DENND5B: variants seen among roughly 807,000 people sequenced by gnomAD.
DENND5B encodes DENN domain containing 5B.
A neutral mutation model predicts 140.6 loss-of-function variants in DENND5B; 34 were observed. That is an observed-to-expected ratio of 0.24 (90% CI 0.18 to 0.32). DENND5B has a LOEUF of 0.32. DENND5B is among the 10% of genes least tolerant of loss of function. The probability of loss-of-function intolerance (pLI) is 1.00; values close to 1 mark genes in which losing one functional copy is unlikely to be tolerated. For missense variants in DENND5B, 1,142 were observed against 1,560.2 expected (o/e 0.73, Z 4.52); for synonymous variants, 551 against 562.1 (o/e 0.98, Z 0.28).
At chr12:31,436,193 G>A (rs1352822638) in intron 7 of DENND5B, among the ~76,000 whole-genome samples, 1 of 149,498 alleles carries the variant, frequency 6.7e-6, no homozygotes, top group Non-Finnish European at 1.5e-5. Flanking sequence ...TCCGTCTCCC[G>A]GGTTCAAGTG....
At chr12:31,402,836 T>C (rs968346600) in intron 14 of DENND5B, among the ~76,000 whole-genome samples, 193 bp from the exon 15 acceptor site, 1 of 152,110 alleles carries the variant, frequency 6.6e-6, no homozygotes, top group Non-Finnish European at 1.5e-5. Flanking sequence ...AAACCAGAAG[T>C]CTCAATACTC....
At chr12:31,522,672 T>C (rs966917081) in intron 1 of DENND5B, among the ~76,000 whole-genome samples, 8 of 152,106 alleles carry the variant, frequency 5.3e-5, no homozygotes, top group South Asian at 2.1e-4. Context: ...TCGTTACTTG[T>C]GAGCTCAAGC....
intron 2 of DENND5B, among the ~76,000 whole-genome samples, chr12:31,494,207 CCTACCTACCTACCTCTACCTACCT>C (rs1946671611): frequency 1.3e-5 from 1 of 75,006 alleles, no homozygotes; most frequent in East Asian, 4.7e-4. Flanking sequence ...CATCCACCTA[CCTACCTACCTACCTCTACCTACCT>C]ACCTACCTAC....
At chr12:31,493,566 T>C (rs778684210) in intron 2 of DENND5B, among the ~76,000 whole-genome samples, 1 of 152,028 alleles carries the variant, frequency 6.6e-6, no homozygotes, top group African/African-American at 2.4e-5. Context: ...TGGTGGGATG[T>C]GCTCATAATA....
intron 1 of DENND5B, among the ~76,000 whole-genome samples, chr12:31,565,898 T>C (rs1181345365): frequency 6.6e-6 from 1 of 152,124 alleles, no homozygotes; most frequent in Non-Finnish European, 1.5e-5. Flanking sequence ...TCCCAGCACT[T>C]TGGGAGGCTA....
chr12:31,432,014 G>C, intron 8 of DENND5B: 1 of 964,220 alleles, frequency 1.0e-6, no homozygotes, highest in Non-Finnish European at 1.2e-6. Context: ...GGGAACATCT[G>C]GTAAAGCACT....
Position 31,507,115 on chromosome 12 carries a change from G to A in DENND5B, c.128-11196C>T, listed in dbSNP as rs148756273. ...GTTACCTGATTAGCATAACATTCCC[G>A]TCGTCACTCAGGAAATTCCAAGGGT... On this transcript the variant is annotated intron_variant, in intron 1 of 20. Coordinates refer to ENST00000389082, the MANE Select transcript of DENND5B (RefSeq NM_144973.4). Among the ~76,000 whole-genome samples, 6 of 152,024 alleles carry A rather than the reference G, an allele frequency of 3.9e-5. No homozygotes were observed. The East Asian group carries it at 7.7e-4, about 20-fold the overall frequency.
intron 8 of DENND5B, among the ~76,000 whole-genome samples, chr12:31,430,621 A>T (rs1943469844): frequency 1.3e-5 from 2 of 151,820 alleles, no homozygotes; most frequent in African/African-American, 4.8e-5. Context: ...AGATCACGCC[A>T]CTGCATTCCA....
intron 1 of DENND5B, among the ~76,000 whole-genome samples, chr12:31,508,397 G>GAAC (rs1476065087): frequency 1.1e-4 from 17 of 152,140 alleles, no homozygotes; most frequent in Admixed American, 3.3e-4. Flanking sequence ...TTCTCTAAAA[G>GAAC]AAAGATATAA....
At chr12:31,424,109 AAG>A (rs1216478457) in intron 10 of DENND5B, among the ~76,000 whole-genome samples, 1 of 152,194 alleles carries the variant, frequency 6.6e-6, no homozygotes, top group Admixed American at 6.5e-5. Context: ...TGAGAGGAGA[AAG>A]AGAAAAAGGG....
At chr12:31,388,556 T>C (rs767297626) in intron 20 of DENND5B, among the ~76,000 whole-genome samples, 4 of 152,170 alleles carry the variant, frequency 2.6e-5, no homozygotes, top group Non-Finnish European at 5.9e-5. Context: ...GACATCCTTA[T>C]TGAGCATCCC....
At chr12:31,439,700 T>C (rs915567871) in intron 7 of DENND5B, among the ~76,000 whole-genome samples, 1 of 151,510 alleles carries the variant, frequency 6.6e-6, no homozygotes, top group East Asian at 1.9e-4. Context: ...GAGGCCGAGG[T>C]GGGCGGATAA....
chr12:31,555,779 A>G (rs563122548), intron 1 of DENND5B, among the ~76,000 whole-genome samples: 2 of 152,060 alleles, frequency 1.3e-5, no homozygotes, highest in Non-Finnish European at 2.9e-5. Context: ...CCCCAGCCTC[A>G]CTGCCACCTT....
intron 1 of DENND5B, among the ~76,000 whole-genome samples, chr12:31,587,829 G>A (rs1950450459): frequency 6.6e-6 from 1 of 152,060 alleles, no homozygotes; most frequent in Non-Finnish European, 1.5e-5. Flanking sequence ...TTATAGGCGT[G>A]AGCCACAGCA....
chr12:31,564,595 T>TATC (rs1949570974), intron 1 of DENND5B, among the ~76,000 whole-genome samples: 2 of 145,806 alleles, frequency 1.4e-5, no homozygotes, highest in Admixed American at 1.4e-4. Context: ...TTATTATTAT[T>TATC]ATTATTATTT....
chr12:31,396,660 C>G (rs1379358927), intron 17 of DENND5B, among the ~76,000 whole-genome samples: 2 of 152,088 alleles, frequency 1.3e-5, no homozygotes, highest in African/African-American at 4.8e-5. Flanking sequence ...CTCTGTCACT[C>G]AAGCTGGAAT....
intron 4 of DENND5B, among the ~76,000 whole-genome samples, 159 bp from the exon 5 acceptor site, chr12:31,452,635 G>C (rs1385982606): frequency 1.3e-5 from 2 of 152,038 alleles, no homozygotes; most frequent in African/African-American, 4.8e-5. Flanking sequence ...ACAAGACTGG[G>C]AAACACGGCA....
At chr12:31,551,564 T>C (rs1949062566) in intron 1 of DENND5B, among the ~76,000 whole-genome samples, 1 of 152,210 alleles carries the variant, frequency 6.6e-6, no homozygotes, top group Non-Finnish European at 1.5e-5. Flanking sequence ...TCTGGTTCCA[T>C]ATAAACTTTA....
intron 1 of DENND5B, among the ~76,000 whole-genome samples, chr12:31,550,762 T>G (rs1949025336): frequency 1.3e-5 from 2 of 152,212 alleles, no homozygotes; most frequent in Non-Finnish European, 2.9e-5. Context: ...CCATTCCAAC[T>G]GGTGTGAGAT....
Sources: gnomAD v4.1 joint callset for allele counts (sites outside exome capture counted in the v4.1 genomes callset) on GRCh38, gnomAD v4.1.1 for gene constraint, MANE v1.5 for transcripts, NCBI Gene and HGNC (gene_info 2026-07-23, HGNC 2026-07-21) for gene names.